BTN2A2: variants seen among roughly 807,000 people sequenced by gnomAD.
The protein encoded by BTN2A2 is butyrophilin subfamily 2 member A2.
A neutral mutation model predicts 34.7 loss-of-function variants in BTN2A2; 29 were observed. The observed-to-expected ratio is 0.84, with a 90% CI of 0.62 to 1.14. The LOEUF is 1.14. Ranked by LOEUF, BTN2A2 falls within the 50% of genes most tolerant of loss-of-function variation. BTN2A2 has a pLI of 0.00. For missense variants in BTN2A2, 612 were observed against 651.5 expected (o/e 0.94, Z 0.66); for synonymous variants, 240 against 253.1 (o/e 0.95, Z 0.49).
Position 26,392,560 on chromosome 6 carries a change from G to A in BTN2A2, c.1165G>A (p.Glu389Lys), listed in dbSNP as rs555778902. The A allele has an allele frequency of 6.2e-7, 1 of 1,614,236 alleles. No individual in the cohort carries two copies. Among genetic ancestry groups the A allele is most frequent in the South Asian group, 1.1e-5 (1 of 91,086 alleles). The change falls in exon 8 of 8, where the codon GAA (glutamate) becomes AAA (lysine). Residue 389 changes from glutamate to lysine, a missense_variant. Transcript: ENST00000356709. ...GAAACATTACTGGGAGGTGGAGGTG[G>A]AAAACGTGATGGTGTGGACTGTGGG... The part of the protein sequence containing the change: ...SGKHYWEVEV[E>K]NVMVWTVGVC...
rs1208802891 is a variant in BTN2A2 at position 26,392,416 on chromosome 6, T to C, written c.1021T>C (p.Phe341Leu). 1 of 1,614,228 alleles carries C rather than the reference T, an allele frequency of 6.2e-7. No homozygotes were observed. Among genetic ancestry groups the C allele is most frequent in the South Asian group, 1.1e-5 (1 of 91,086 alleles). Residue 341 changes from phenylalanine to leucine, a missense_variant, in exon 8 of 8, where the codon TTC becomes CTC. Transcript: ENST00000356709. ...LDPDTAHPEL[F>L]LSEDRRSVRR... ...TCCAGACACCGCTCATCCCGAGCTC[T>C]TCCTGTCAGAGGACCGGAGAAGTGT... is the stretch of plus-strand genomic sequence containing the variant.
In BTN2A2 at chr6:26,392,505, T is replaced by C; in HGVS notation, c.1110T>C (p.Cys370=). The C allele has an allele frequency of 1.2e-6, 2 of 1,614,224 alleles. No individual in the cohort carries two copies. Among genetic ancestry groups the C allele is most frequent in the Non-Finnish European group, 1.7e-6 (2 of 1,180,036 alleles). Reference sequence around the variant, plus strand: ...CAGAGAGATTCGACAGTCAGCCTTGTGTCCTGGGATGGGAGAGCTTCGCCT... The same window carrying C: ...CAGAGAGATTCGACAGTCAGCCTTGCGTCCTGGGATGGGAGAGCTTCGCCT... ...DNPERFDSQP[C]VLGWESFASG... is the part of the protein sequence containing the mutation. Residue 370 remains cysteine, a synonymous_variant, in exon 8 of 8, where the codon TGT becomes TGC. Transcript: ENST00000356709.
chr6:26,390,043 C>G lies in BTN2A2; in HGVS notation c.763C>G (p.Leu255Val). The G allele has an allele frequency of 2.5e-6, 4 of 1,614,056 alleles. No homozygotes were observed. The highest frequency in any genetic ancestry group is 3.4e-6 in the Non-Finnish European group (4 of 1,180,022). ...MPSASPWMVA[L>V]AVILTASPWM... is the part of the protein sequence containing the mutation. ...CAGCGCATCTCCCTGGATGGTGGCC[C>G]TAGCTGTCATCCTGACCGCATCTCC... Residue 255 changes from leucine (L) to valine (V), a missense_variant, in exon 5 of 8, where the codon CTA becomes GTA. Coordinates refer to ENST00000356709, the MANE Select transcript of BTN2A2 (RefSeq NM_006995.5).
In BTN2A2 at chr6:26,384,310, C is replaced by T. The variant is rs1462363470; in HGVS notation, c.94+395C>T. Among the ~76,000 whole-genome samples the T allele has an allele frequency of 6.6e-6, 1 of 152,034 alleles. No individual in the cohort carries two copies. The highest frequency in any genetic ancestry group is 2.4e-5 in the African/African-American group (1 of 41,384). ...GAGTACAAGCAAGGGCCACCACACT[C>T]GACTAAGTTTTATTTTTTGTAGAGA... is the stretch of plus-strand genomic sequence containing the variant. On this transcript the variant is annotated intron_variant, in intron 2 of 7. Coordinates refer to ENST00000356709, the MANE Select transcript of BTN2A2 (RefSeq NM_006995.5). This position sits in a 1 kb window ranked among gnomAD's most constrained non-coding sequence, Gnocchi z 4.0.
chr6:26,387,041 C>G (rs2113747710), intron 3 of BTN2A2, among the ~76,000 whole-genome samples: 1 of 152,342 alleles, frequency 6.6e-6, no homozygotes, highest in Admixed American at 6.5e-5. Flanking sequence ...GCTGAAGGGT[C>G]TCCCAGGACC....
chr6:26,390,916 C>T (rs1197582716), intron 7 of BTN2A2, 87 bp downstream of exon 7: 1 of 1,598,004 alleles, frequency 6.3e-7, no homozygotes, highest in Non-Finnish European at 8.6e-7. Flanking sequence ...AGCAAGGGGC[C>T]CAGGGCTACA....
Position 26,385,336 on chromosome 6 carries a change from AG to A in BTN2A2, c.418del (p.Ala140ProfsTer54), listed in dbSNP as rs781374430. 3 of 1,613,730 alleles carry A rather than the reference AG, an allele frequency of 1.9e-6. No individual in the cohort carries two copies. The highest frequency in any genetic ancestry group is 1.7e-5 in the Admixed American group (1 of 60,004). ...TTCCAAGAAGGCAGGTCCTACGATG[AG>A]GCCATCCTACGCCTCGTGGTGGCAG... ...CYFQEGRSYDEAILRLVVAGL... is the reference protein window; with the variant it reads ...CYFQEGRSYDXAILRLVVAGL... On this transcript the variant is annotated frameshift_variant, in exon 3 of 8. Coordinates refer to ENST00000356709, the MANE Select transcript of BTN2A2 (RefSeq NM_006995.5). LOFTEE classifies it high-confidence loss of function.
chr6:26,390,018 C>T lies in BTN2A2; in HGVS notation c.738C>T (p.Pro246=). The T allele has an allele frequency of 1.2e-6, 2 of 1,613,488 alleles. No individual in the cohort carries two copies. Among genetic ancestry groups the T allele is most frequent in the South Asian group, 2.2e-5 (2 of 91,022 alleles). ...CTGCCTTTTCAGAATCCTTTATGCC[C>T]AGCGCATCTCCCTGGATGGTGGCCC... is the stretch of plus-strand genomic sequence containing the variant. ...TVIFIPESFM[P]SASPWMVALA... is the part of the protein sequence containing the mutation. Residue 246 remains proline (P), a synonymous_variant, in exon 5 of 8, where the codon CCC becomes CCT. Transcript: ENST00000356709.
intron 3 of BTN2A2, among the ~76,000 whole-genome samples, chr6:26,387,678 C>T (rs1443225337): frequency 6.6e-6 from 1 of 151,986 alleles, no homozygotes; most frequent in Non-Finnish European, 1.5e-5. Flanking sequence ...GCAGAGAAGT[C>T]ATCCCAGGAG....
chr6:26,389,824 G>A (rs1761452718), intron 4 of BTN2A2, among the ~76,000 whole-genome samples, 181 bp from the exon 5 acceptor site: 1 of 152,192 alleles, frequency 6.6e-6, no homozygotes, highest in African/African-American at 2.4e-5. Flanking sequence ...TCTGGGCCCG[G>A]CCCTGGCAGT....
chr6:26,385,509 GC>G, intron 3 of BTN2A2, 147 bp downstream of exon 3: 1 of 740,920 alleles, frequency 1.3e-6, no homozygotes, highest in Non-Finnish European at 2.2e-6. Flanking sequence ...TTGCACAAAG[GC>G]CACATGAGTG....
intron 3 of BTN2A2, 63 bp from the exon 4 acceptor site, chr6:26,387,950 T>C: frequency 4.0e-6 from 6 of 1,513,746 alleles, no homozygotes; most frequent in Non-Finnish European, 5.3e-6. Flanking sequence ...CAACCATCCA[T>C]CAAGGTGCAG....
intron 4 of BTN2A2, among the ~76,000 whole-genome samples, chr6:26,388,723 A>G (rs1158340805): frequency 1.3e-5 from 2 of 152,216 alleles, no homozygotes; most frequent in African/African-American, 2.4e-5. Context: ...GTATTCAACA[A>G]ATGTTCAACA....
At chr6:26,392,252 C>G (rs993816879) in intron 7 of BTN2A2, 123 bp from the exon 8 acceptor site, 4 of 1,562,476 alleles carry the variant, frequency 2.6e-6, no homozygotes, top group Non-Finnish European at 3.5e-6. Flanking sequence ...AGGGGACCTT[C>G]ATGGAAACGG....
rs1008080189 is a variant in BTN2A2 at position 26,394,305 on chromosome 6, C to T, written c.*1338C>T. 1.4e-6 allele frequency: 1 copy of T among 700,626 alleles called. No homozygotes were observed. Among genetic ancestry groups the T allele is most frequent in the Non-Finnish European group, 2.6e-6 (1 of 384,740 alleles). 43.4% of individuals were successfully genotyped at this position (700,626 alleles called of 1,614,324 possible). On this transcript the variant is annotated 3_prime_UTR_variant, in exon 8 of 8. Transcript: ENST00000356709. ...TGTGCTGGTTAATTTTAGATGTCAA[C>T]CTGACTGGATTAAGGAATACCTAGA...
In BTN2A2 at chr6:26,393,565, G is replaced by T; in HGVS notation, c.*598G>T. 9.9e-7 allele frequency: 1 copy of T among 1,008,676 alleles called. No homozygotes were observed. The highest frequency in any genetic ancestry group is 1.2e-6 in the Non-Finnish European group (1 of 844,422). The allele number at this position is 1,008,676 out of a possible 1,614,324, so 62.5% of individuals were successfully genotyped here. On this transcript the variant is annotated 3_prime_UTR_variant, in exon 8 of 8. Coordinates refer to ENST00000356709, the MANE Select transcript of BTN2A2 (RefSeq NM_006995.5). ...GGATTTCCACAGCACACACCCACAG[G>T]CCTGGACCTGGGATGAAGATGAATG... is the stretch of plus-strand genomic sequence containing the variant.
rs574356294 is a variant in BTN2A2, at chr6:26,393,036, C to T, written c.*69C>T. The stretch of plus-strand genomic sequence containing the variant: ...ATCTCAGCAGCCACCGCACAACCCC[C>T]CTAATGAAAGACACGCCCTCCTCCC... On this transcript the variant is annotated 3_prime_UTR_variant, in exon 8 of 8. Coordinates refer to ENST00000356709, the MANE Select transcript of BTN2A2 (RefSeq NM_006995.5). 2 of 1,612,914 alleles carry T rather than the reference C, an allele frequency of 1.2e-6. No homozygotes were observed.
intron 3 of BTN2A2, 47 bp from the exon 4 acceptor site, chr6:26,387,966 G>A: frequency 2.5e-6 from 4 of 1,568,892 alleles, no homozygotes; most frequent in South Asian, 2.4e-5. Context: ...TGCAGTAGGG[G>A]CTAAGATACC....
Position 26,384,574 on chromosome 6 carries a change from T to C in BTN2A2, c.95-441T>C, listed in dbSNP as rs1442550868. Among the ~76,000 whole-genome samples, 1 of 152,256 alleles carries C rather than the reference T, an allele frequency of 6.6e-6. No individual in the cohort carries two copies. Among genetic ancestry groups the C allele is most frequent in the Non-Finnish European group, 1.5e-5 (1 of 68,044 alleles). On this transcript the variant is annotated intron_variant, in intron 2 of 7. Coordinates refer to ENST00000356709, the MANE Select transcript of BTN2A2 (RefSeq NM_006995.5). This position sits in a 1 kb window ranked among gnomAD's most constrained non-coding sequence, Gnocchi z 4.0. ...ATAGAACTATTACCAATGAGATATT[T>C]GACATTTTGAAATTTTAAATCTTTA...
Sources: allele counts gnomAD v4.1 joint callset (sites outside exome capture counted in the v4.1 genomes callset), GRCh38; gene constraint gnomAD v4.1.1; non-coding constraint Gnocchi (gnomAD v3.1); transcripts MANE v1.5; gene names NCBI Gene and HGNC (gene_info 2026-07-23, HGNC 2026-07-21).